Variants in BAIAP2L1 observed in about 807,000 individuals in gnomAD.
BAIAP2L1 encodes BAR/IMD domain-containing adapter protein 2-like 1.
A neutral mutation model predicts 66.3 loss-of-function variants in BAIAP2L1; 35 were observed. The observed-to-expected ratio is 0.53, with a 90% CI of 0.40 to 0.70. The LOEUF (loss-of-function observed/expected upper bound fraction) is 0.70. Ranked by LOEUF, BAIAP2L1 falls within the 30% of genes least tolerant of loss-of-function variation. The pLI, the probability that BAIAP2L1 is intolerant of heterozygous loss-of-function variation, is 0.00. For synonymous variants in BAIAP2L1, 269 were observed against 248.7 expected, an observed-to-expected ratio of 1.08 and a Z score of -0.77; for missense variants, 622 against 656.9, an observed-to-expected ratio of 0.95 and a Z score of 0.58.
chr7:98,354,902 T>C, intron 3 of BAIAP2L1, 140 bp downstream of exon 3: 1 of 665,412 alleles, frequency 1.5e-6, no homozygotes, highest in Admixed American at 2.3e-5. Context: ...AGCATCAATT[T>C]CCACAGACCG....
intron 11 of BAIAP2L1, among the ~76,000 whole-genome samples, chr7:98,305,040 GTTTTTTGTTT>G (rs1800591855): frequency 1.1e-5 from 1 of 87,152 alleles, no homozygotes; most frequent in African/African-American, 5.1e-5. Flanking sequence ...TAATTTTTTT[GTTTTTTGTTT>G]TTTTTTTTTT....
chr7:98,334,816 G>A (rs1331536335), intron 3 of BAIAP2L1, among the ~76,000 whole-genome samples: 1 of 150,384 alleles, frequency 6.6e-6, no homozygotes, highest in Non-Finnish European at 1.5e-5. Context: ...AAAGTGCTGG[G>A]ATTACAGGCG....
intron 2 of BAIAP2L1, among the ~76,000 whole-genome samples, chr7:98,359,924 A>G (rs1485851228): frequency 8.2e-6 from 1 of 121,662 alleles, no homozygotes; most frequent in Non-Finnish European, 2.0e-5. Context: ...ATGCCCAGCT[A>G]ATTTTTTTTT....
At chr7:98,391,129 A>G (rs1445834197) in intron 1 of BAIAP2L1, among the ~76,000 whole-genome samples, 1 of 150,842 alleles carries the variant, frequency 6.6e-6, no homozygotes, top group Non-Finnish European at 1.5e-5. Context: ...GGCGTGAGCC[A>G]CTGTGCCCGG....
chr7:98,373,254 A>G (rs897488740), intron 1 of BAIAP2L1, among the ~76,000 whole-genome samples: 25 of 152,342 alleles, frequency 1.6e-4, no homozygotes, highest in African/African-American at 5.1e-4. Context: ...TTGGAGCACA[A>G]GCCAAGTACA....
intron 1 of BAIAP2L1, among the ~76,000 whole-genome samples, chr7:98,393,038 CAT>C (rs1224176863): frequency 6.2e-5 from 6 of 96,792 alleles, no homozygotes; most frequent in Non-Finnish European, 1.3e-4. Context: ...CATATATATA[CAT>C]ATATACGTGT....
chr7:98,397,318 C>CTTTT (rs36101597), intron 1 of BAIAP2L1, among the ~76,000 whole-genome samples: 53 of 74,468 alleles, frequency 7.1e-4, no homozygotes, highest in African/African-American at 1.1e-3. Flanking sequence ...TTCTTAAGCC[C>CTTTT]TTTTTTTTTT....
intron 3 of BAIAP2L1, among the ~76,000 whole-genome samples, chr7:98,354,463 G>A (rs1414430265): frequency 9.2e-5 from 14 of 152,276 alleles, no homozygotes; most frequent in Middle Eastern, 3.4e-3. Context: ...GTGTGGGGCC[G>A]TTTTAAAAGC....
intron 3 of BAIAP2L1, among the ~76,000 whole-genome samples, chr7:98,325,726 G>A (rs1801367679): frequency 6.6e-6 from 1 of 152,164 alleles, no homozygotes; most frequent in South Asian, 2.1e-4. Flanking sequence ...TTGGAAAAAG[G>A]ACTGAATTTT....
At chr7:98,300,421 GTTGCAGTCCCTCCCCGCAATGCTT>G (rs1228555140) in intron 12 of BAIAP2L1, among the ~76,000 whole-genome samples, 1 of 152,230 alleles carries the variant, frequency 6.6e-6, no homozygotes, top group African/African-American at 2.4e-5. Flanking sequence ...GCGGGTGACA[GTTGCAGTCCCTCCCCGCAATGCTT>G]TTGCAGTCTG....
At position 98,292,312 on chromosome 7, in the gene BAIAP2L1, C is replaced by A; in HGVS notation, c.*1209G>T. 3.0e-6 allele frequency: 1 copy of A among 337,216 alleles called. No homozygotes were observed. Among genetic ancestry groups the A allele is most frequent in the South Asian group, 3.1e-5 (1 of 32,060 alleles). 20.9% of individuals were successfully genotyped at this position (337,216 alleles called of 1,614,324 possible). ...ATCTGGCTCACTGCAACCTCTGCCT[C>A]CCGGGTTCAAGTGATTCTCCTGCCT... On this transcript the variant is annotated 3_prime_UTR_variant, in exon 14 of 14. Transcript: ENST00000005260.
intron 5 of BAIAP2L1, among the ~76,000 whole-genome samples, chr7:98,317,561 C>T (rs1801113529): frequency 6.6e-6 from 1 of 151,666 alleles, no homozygotes; most frequent in South Asian, 2.1e-4. Flanking sequence ...CCACACTTCG[C>T]ACCATCCTCA....
At chr7:98,386,329 G>A (rs1802890045) in intron 1 of BAIAP2L1, 1 of 1,593,832 alleles carries the variant, frequency 6.3e-7, no homozygotes, top group Non-Finnish European at 8.5e-7. Flanking sequence ...TCAGTAATCA[G>A]CCTGAATTTT....
intron 3 of BAIAP2L1, among the ~76,000 whole-genome samples, chr7:98,350,081 G>A (rs977676920): frequency 2.6e-5 from 4 of 151,746 alleles, no homozygotes; most frequent in Non-Finnish European, 2.9e-5. Flanking sequence ...GGCACAGCCC[G>A]GGTTTCAAGG....
intron 1 of BAIAP2L1, among the ~76,000 whole-genome samples, chr7:98,367,016 C>T (rs906088930): frequency 1.3e-5 from 2 of 151,838 alleles, no homozygotes; most frequent in African/African-American, 2.4e-5. Context: ...TTCAGCTTCC[C>T]GAGTAGCTGG....
intron 1 of BAIAP2L1, among the ~76,000 whole-genome samples, chr7:98,374,077 G>A (rs1254630232): frequency 6.6e-6 from 1 of 151,818 alleles, no homozygotes; most frequent in South Asian, 2.1e-4. Context: ...CTCAGCCTCC[G>A]AGTAGGTGGG....
At chr7:98,347,527 G>A (rs1195346136) in intron 3 of BAIAP2L1, among the ~76,000 whole-genome samples, 2 of 152,112 alleles carry the variant, frequency 1.3e-5, no homozygotes, top group Admixed American at 6.5e-5. Flanking sequence ...TGTAATCCCA[G>A]CACTTTGGGA....
intron 3 of BAIAP2L1, among the ~76,000 whole-genome samples, chr7:98,321,614 T>C (rs1801249690): frequency 6.6e-6 from 1 of 152,152 alleles, no homozygotes; most frequent in Non-Finnish European, 1.5e-5. Context: ...TGACATCTGA[T>C]AAAGGTGAAC....
At chr7:98,347,181 G>GAAA (rs1554336279) in intron 3 of BAIAP2L1, among the ~76,000 whole-genome samples, 2 of 151,500 alleles carry the variant, frequency 1.3e-5, no homozygotes, top group African/African-American at 4.9e-5. Flanking sequence ...GCCATGAGAA[G>GAAA]GTGGTAAGCC....
Sources: allele counts gnomAD v4.1 joint callset (sites outside exome capture counted in the v4.1 genomes callset), GRCh38; gene constraint gnomAD v4.1.1; transcripts MANE v1.5; gene names NCBI Gene and HGNC (gene_info 2026-07-23, HGNC 2026-07-21).